The following COL18A1 variants were observed in gnomAD, a reference collection of about 807,000 sequenced individuals.
COL18A1 encodes the protein collagen alpha-1(XVIII) chain.
Under a neutral mutation model 168.0 loss-of-function variants are expected in COL18A1, and 133 were observed. The observed-to-expected ratio is 0.79, with a 90% CI of 0.69 to 0.91. The LOEUF (loss-of-function observed/expected upper bound fraction) is 0.91, where lower values mean the gene tolerates loss of function less well. Among genes scored for constraint, COL18A1 ranks in the 40% least tolerant of loss-of-function variants. COL18A1 has a pLI of 0.00. For synonymous variants in COL18A1, 949 were observed against 809.0 expected (o/e 1.17, Z -2.94); for missense variants, 2,126 against 1,925.4 (o/e 1.10, Z -1.95).
At position 45,490,501 on chromosome 21, in the gene COL18A1, T is replaced by C. The variant is rs74504453; in HGVS notation, c.2031+155T>C. On this transcript the variant is annotated intron_variant, in intron 20 of 41. Transcript: ENST00000651438. ...GGGCCTCCGTGTGCCCTCCCGGGTC[T>C]CTGGGCCTCCGTGTGCCCACTCCCG... is the stretch of plus-strand genomic sequence containing the variant. 0.31 allele frequency among the ~76,000 whole-genome samples: 29,804 copies of C among 95,412 alleles called. 3,564 individuals carry two copies. Among genetic ancestry groups the C allele is most frequent in the African/African-American group, 0.36 (7,927 of 22,142 alleles). The allele number at this position is 95,412 out of a possible 152,430, so 62.6% of individuals were successfully genotyped here.
Position 45,405,307 on chromosome 21 carries a change from CG to C in COL18A1, c.11+67del, listed in dbSNP as rs1602316891. On this transcript the variant is annotated intron_variant, in intron 1 of 41. Coordinates refer to ENST00000651438, the MANE Select transcript of COL18A1 (RefSeq NM_001379500.1). The stretch of plus-strand genomic sequence containing the variant: ...ATGCGGCTGCGGGGGTCGCGGGGGT[CG>C]CGGGGCTCGGCCGGGTCCTGCGGGG... 98 of 784,864 alleles carry C rather than the reference CG, an allele frequency of 1.2e-4. 4 individuals carry two copies. The East Asian group carries it at 3.9e-3, about 31-fold the overall frequency. The allele number at this position is 784,864 out of a possible 1,614,324, so 48.6% of individuals were successfully genotyped here.
At chr21:45,447,061 A>G (rs1014345956) in intron 2 of COL18A1, among the ~76,000 whole-genome samples, 3 of 152,198 alleles carry the variant, frequency 2.0e-5, no homozygotes, top group Non-Finnish European at 4.4e-5. Flanking sequence ...CAGGAGCAAG[A>G]CAAGGACGTT....
intron 9 of COL18A1, among the ~76,000 whole-genome samples, chr21:45,479,254 T>A (rs1185305498): frequency 6.6e-6 from 1 of 151,406 alleles, no homozygotes; most frequent in Non-Finnish European, 1.5e-5. Context: ...CACCACACAT[T>A]ACACACCACA....
At chr21:45,490,391 C>A in intron 20 of COL18A1, 45 bp downstream of exon 20, 1 of 1,411,996 alleles carries the variant, frequency 7.1e-7, no homozygotes, top group Non-Finnish European at 9.6e-7. Context: ...GGCGTGGAGC[C>A]CTGAAGGGAC....
intron 22 of COL18A1, among the ~76,000 whole-genome samples, chr21:45,491,969 G>T (rs1207754990): frequency 6.6e-6 from 1 of 152,210 alleles, no homozygotes; most frequent in Non-Finnish European, 1.5e-5. Context: ...TGGAAGGGGG[G>T]CTGCCCGGGG....
At position 45,490,482 on chromosome 21, in the gene COL18A1, CCGTGTGCCCTCCCGGGTCT is replaced by C. The variant is rs1568921486; in HGVS notation, c.2031+138_2031+156del. On this transcript the variant is annotated intron_variant, in intron 20 of 41. Transcript: ENST00000651438. Reference sequence around the variant, plus strand: ...TGTGCCCTCGTGGGTCCCTGGGCCTCCGTGTGCCCTCCCGGGTCTCTGGGCCTCCGTGTGCCCACTCCCG... The same window carrying C: ...TGTGCCCTCGTGGGTCCCTGGGCCTCCTGGGCCTCCGTGTGCCCACTCCCG... The C allele has an allele frequency of 2.2e-4, 160 of 711,854 alleles. 1 individual carries two copies. In the African/African-American group the frequency reaches 2.3e-3, roughly 10 times the overall value. 44.1% of individuals were successfully genotyped at this position (711,854 alleles called of 1,614,324 possible).
intron 9 of COL18A1, among the ~76,000 whole-genome samples, chr21:45,479,283 CATT>C (rs2035798853): frequency 6.8e-6 from 1 of 146,334 alleles, no homozygotes; most frequent in African/African-American, 2.5e-5. Flanking sequence ...CATGCACACA[CATT>C]ACACACATGT....
intron 17 of COL18A1, 116 bp from the exon 18 acceptor site, chr21:45,488,302 C>T: frequency 1.5e-6 from 2 of 1,316,102 alleles, no homozygotes; most frequent in Admixed American, 3.4e-5. Flanking sequence ...AGTACATTTC[C>T]TTTTACACAC....
chr21:45,411,146 G>T (rs1466343626), intron 2 of COL18A1, among the ~76,000 whole-genome samples: 1 of 152,186 alleles, frequency 6.6e-6, no homozygotes, highest in Non-Finnish European at 1.5e-5. Flanking sequence ...AACTCCGTGG[G>T]CCTGTGGCGA....
intron 9 of COL18A1, among the ~76,000 whole-genome samples, chr21:45,478,710 A>T (rs991810128): frequency 2.0e-5 from 3 of 151,598 alleles, no homozygotes; most frequent in Admixed American, 1.3e-4. Context: ...GCGACCTGAG[A>T]CTCTGTGAAG....
At chr21:45,452,510 A>G (rs2034646649) in intron 2 of COL18A1, among the ~76,000 whole-genome samples, 1 of 143,072 alleles carries the variant, frequency 7.0e-6, no homozygotes, top group Non-Finnish European at 1.5e-5. Flanking sequence ...TATTCACGTG[A>G]CGTGTGAGCA....
rs866762861 is a variant in COL18A1, at chr21:45,411,766, T to C, written c.106+6293T>C. On this transcript the variant is annotated intron_variant, in intron 2 of 41. Transcript: ENST00000651438. The stretch of plus-strand genomic sequence containing the variant: ...CAGAGTCAGGGCTGATGGCGGGGGG[T>C]GGGGGGGGGGCAGGCTGTGGTCAGG... 5.9e-3 allele frequency among the ~76,000 whole-genome samples: 233 copies of C among 39,254 alleles called. 5 individuals are homozygous for C. The highest frequency in any genetic ancestry group is 9.5e-3 in the Non-Finnish European group (145 of 15,304). 25.8% of individuals were successfully genotyped at this position (39,254 alleles called of 152,430 possible).
In COL18A1 at chr21:45,490,266, C is replaced by G; in HGVS notation, c.1960-9C>G. 6.3e-7 allele frequency: 1 copy of G among 1,576,516 alleles called. No individual in the cohort carries two copies. The highest frequency in any genetic ancestry group is 8.6e-7 in the Non-Finnish European group (1 of 1,161,744). On this transcript the variant is annotated splice_polypyrimidine_tract_variant and intron_variant, in intron 19 of 41. Coordinates refer to ENST00000651438, the MANE Select transcript of COL18A1 (RefSeq NM_001379500.1). ...CCAATGCCCTGCGTCCTCCATGTGA[C>G]CCTTTCAGGGAGAAGTTGGAGCAGA...
chr21:45,431,539 G>A (rs1192571496), intron 2 of COL18A1, among the ~76,000 whole-genome samples: 1 of 143,684 alleles, frequency 7.0e-6, no homozygotes, highest in Non-Finnish European at 1.5e-5. Flanking sequence ...GCAGGACTCG[G>A]CGGCCCAGGG....
Position 45,498,951 on chromosome 21 carries a change from G to A in COL18A1, c.2683+1290G>A, listed in dbSNP as rs915140427. 8.5e-5 allele frequency among the ~76,000 whole-genome samples: 13 copies of A among 152,180 alleles called. No homozygotes were observed. The highest frequency in any genetic ancestry group is 2.7e-4 in the African/African-American group (11 of 41,444). On this transcript the variant is annotated intron_variant, in intron 32 of 41. Transcript: ENST00000651438. The surrounding 1 kb of genome is among the most constrained non-coding windows in gnomAD (Gnocchi z 4.5). ...CCTGTGTATAGGTTTTGGTCGACGT[G>A]GGATTGCTTGTCCCTGGGAGCCAGA... is the stretch of plus-strand genomic sequence containing the variant.
chr21:45,512,462 A>G lies in COL18A1; in HGVS notation c.*64A>G. 6.6e-7 allele frequency: 1 copy of G among 1,525,230 alleles called. No individual in the cohort carries two copies. The highest frequency in any genetic ancestry group is 8.9e-7 in the Non-Finnish European group (1 of 1,122,020). 94.5% of individuals were successfully genotyped at this position (1,525,230 alleles called of 1,614,324 possible). On this transcript the variant is annotated 3_prime_UTR_variant, in exon 42 of 42. Coordinates refer to ENST00000651438, the MANE Select transcript of COL18A1 (RefSeq NM_001379500.1). Reference sequence around the variant, plus strand: ...CTCGGAGGAAGCCCCCACCGTGGGCAGGGAGCGGCCGGCCAGCCCCTGGCC... The same window carrying G: ...CTCGGAGGAAGCCCCCACCGTGGGCGGGGAGCGGCCGGCCAGCCCCTGGCC...
chr21:45,491,981 A>G (rs1327459737), intron 22 of COL18A1, among the ~76,000 whole-genome samples: 1 of 152,214 alleles, frequency 6.6e-6, no homozygotes, highest in Non-Finnish European at 1.5e-5. Flanking sequence ...TGCCCGGGGC[A>G]GAGCTGAGAG....
At chr21:45,446,427 A>T (rs1009563545) in intron 2 of COL18A1, among the ~76,000 whole-genome samples, 1 of 152,226 alleles carries the variant, frequency 6.6e-6, no homozygotes, top group African/African-American at 2.4e-5. Flanking sequence ...AATTTCCTAG[A>T]AAGGTGCAAA....
chr21:45,466,043 A>AC (rs897414468), intron 2 of COL18A1, among the ~76,000 whole-genome samples: 6 of 151,296 alleles, frequency 4.0e-5, no homozygotes, highest in African/African-American at 1.5e-4. Flanking sequence ...CTCACAGGAG[A>AC]CCCCCAGTCA....
Sources: allele counts gnomAD v4.1 joint callset (sites outside exome capture counted in the v4.1 genomes callset), GRCh38; gene constraint gnomAD v4.1.1; non-coding constraint Gnocchi (gnomAD v3.1); transcripts MANE v1.5; gene names NCBI Gene and HGNC (gene_info 2026-07-23, HGNC 2026-07-21).